The following CORO1C variants were observed in gnomAD, a reference collection of about 807,000 sequenced individuals.
The protein encoded by CORO1C is coronin-1C.
CORO1C carries 14 observed loss-of-function variants against 51.2 expected under a neutral mutation model. That is an observed-to-expected ratio of 0.27 (90% CI 0.18 to 0.43). The LOEUF is 0.43. Ranked by LOEUF, CORO1C falls within the 20% of genes least tolerant of loss-of-function variation. The probability of loss-of-function intolerance (pLI) is 1.00; values close to 1 mark genes in which losing one functional copy is unlikely to be tolerated. For synonymous variants in CORO1C, 181 were observed against 210.5 expected, an observed-to-expected ratio of 0.86 and a Z score of 1.21; for missense variants, 417 against 607.8, an observed-to-expected ratio of 0.69 and a Z score of 3.30.
chr12:108,675,641 T>A (rs374367983), intron 3 of CORO1C, among the ~76,000 whole-genome samples: 61 of 152,232 alleles, frequency 4.0e-4, no homozygotes, highest in African/African-American at 1.4e-3. Flanking sequence ...AGTAAGTAAG[T>A]GAGGACATTA....
At chr12:108,652,070 TTG>T in intron 8 of CORO1C, 200 bp downstream of exon 8, 2 of 301,842 alleles carry the variant, frequency 6.6e-6, no homozygotes, top group Non-Finnish European at 1.2e-5. Flanking sequence ...TTTTTTTTTT[TTG>T]AGATTTTTTT....
chr12:108,648,232 C>T (rs1371137598), intron 10 of CORO1C, among the ~76,000 whole-genome samples: 3 of 152,124 alleles, frequency 2.0e-5, no homozygotes, highest in Non-Finnish European at 4.4e-5. Flanking sequence ...TGACCCCACA[C>T]TCCCATGATA....
intron 1 of CORO1C, among the ~76,000 whole-genome samples, chr12:108,721,302 C>A (rs2136887177): frequency 6.6e-6 from 1 of 152,340 alleles, no homozygotes; most frequent in African/African-American, 2.4e-5. Context: ...CCATCTTACA[C>A]TACTCTTCCC....
At chr12:108,701,593 A>G in intron 1 of CORO1C, 2 of 458,028 alleles carry the variant, frequency 4.4e-6, no homozygotes, top group South Asian at 4.6e-5. Context: ...CAATGGAAAG[A>G]TTAAGGGAAA....
Position 108,646,930 on chromosome 12 carries a change from A to G in CORO1C, c.*473T>C, listed in dbSNP as rs1246079579. On this transcript the variant is annotated 3_prime_UTR_variant, in exon 11 of 11. Coordinates refer to ENST00000261401, the MANE Select transcript of CORO1C (RefSeq NM_014325.4). ...AAATTAAGGAAAAAAAACCACACAC[A>G]CAAATACTGCAAAGTAGCAAAATAC... 1.3e-5 allele frequency: 2 copies of G among 153,256 alleles called. No homozygotes were observed. The highest frequency in any genetic ancestry group is 2.9e-5 in the Non-Finnish European group (2 of 68,666). The allele number at this position is 153,256 out of a possible 1,614,324, so 9.5% of individuals were successfully genotyped here. A position where few individuals can be genotyped will look rare whatever the true frequency, so the allele number is the denominator to read the frequency against.
chr12:108,703,539 T>C (rs975019595), intron 1 of CORO1C, among the ~76,000 whole-genome samples: 1 of 152,214 alleles, frequency 6.6e-6, no homozygotes, highest in African/African-American at 2.4e-5. Flanking sequence ...GAGTGTCCTC[T>C]ACTCAGCTGA....
At chr12:108,698,693 C>T (rs183215142) in intron 2 of CORO1C, among the ~76,000 whole-genome samples, 11 of 152,320 alleles carry the variant, frequency 7.2e-5, no homozygotes, top group Non-Finnish European at 1.5e-4. Context: ...AGGCATGGGC[C>T]ACTGTGCCCG....
chr12:108,658,682 A>C lies in CORO1C; in HGVS notation c.630+56T>G. The C allele has an allele frequency of 6.4e-7, 1 of 1,567,258 alleles. No individual in the cohort carries two copies. Among genetic ancestry groups the C allele is most frequent in the South Asian group, 1.1e-5 (1 of 88,546 alleles). ...CCGCTGCCTGCCTTAAAAAGCAGAA[A>C]GCTCACACTCACTCAAGTGCTCCAA... is the stretch of plus-strand genomic sequence containing the variant. On this transcript the variant is annotated intron_variant, in intron 5 of 10. Transcript: ENST00000261401. The surrounding 1 kb of genome is among the most constrained non-coding windows in gnomAD (Gnocchi z 4.9).
intron 2 of CORO1C, among the ~76,000 whole-genome samples, chr12:108,686,100 ATGGT>A (rs2034285364): frequency 6.6e-6 from 1 of 152,260 alleles, no homozygotes; most frequent in Admixed American, 6.5e-5. Flanking sequence ...ACGGCCTTAT[ATGGT>A]AAAGATGAGG....
chr12:108,709,383 C>A (rs1174849075), intron 1 of CORO1C, among the ~76,000 whole-genome samples: 1 of 152,128 alleles, frequency 6.6e-6, no homozygotes, highest in East Asian at 1.9e-4. Context: ...AAAGAACCGG[C>A]ACCACTTATC....
intron 3 of CORO1C, among the ~76,000 whole-genome samples, chr12:108,670,993 C>A (rs2033693306): frequency 6.8e-6 from 1 of 146,070 alleles, no homozygotes; most frequent in South Asian, 2.2e-4. Context: ...AGGAAAAGAG[C>A]AAAATAATAA....
intron 1 of CORO1C, among the ~76,000 whole-genome samples, chr12:108,704,060 A>G (rs138683527): frequency 6.6e-6 from 1 of 152,366 alleles, no homozygotes; most frequent in East Asian, 1.9e-4. Flanking sequence ...TCTTCACTCA[A>G]ATAGGCCAGA....
At chr12:108,656,193 C>T (rs1372702249) in intron 6 of CORO1C, among the ~76,000 whole-genome samples, 9 of 144,398 alleles carry the variant, frequency 6.2e-5, no homozygotes, top group Admixed American at 2.1e-4. Context: ...GCAGCCGCCC[C>T]GTCTGAGAAG....
intron 2 of CORO1C, among the ~76,000 whole-genome samples, chr12:108,697,899 T>C (rs1264738628): frequency 1.3e-5 from 2 of 152,244 alleles, no homozygotes; most frequent in Admixed American, 1.3e-4. Context: ...TAACCATTAT[T>C]CAAATATTCA....
At chr12:108,720,148 T>G (rs373244113) in intron 1 of CORO1C, among the ~76,000 whole-genome samples, 61 of 152,264 alleles carry the variant, frequency 4.0e-4, no homozygotes, top group African/African-American at 1.4e-3. Context: ...ATCACACCAC[T>G]GCACTCCAGC....
chr12:108,655,398 CCTCTCCCTCTCTTTCCACG>C (rs2032905593), intron 6 of CORO1C, among the ~76,000 whole-genome samples: 2 of 150,032 alleles, frequency 1.3e-5, no homozygotes, highest in Non-Finnish European at 3.0e-5. Context: ...CCACGGTCTC[CCTCTCCCTCTCTTTCCACG>C]CTCTCCCTCT....
chr12:108,710,556 ATTTTTCTTTTTT>A (rs1477717590), intron 1 of CORO1C, among the ~76,000 whole-genome samples: 2 of 151,220 alleles, frequency 1.3e-5, no homozygotes, highest in Non-Finnish European at 1.5e-5. Flanking sequence ...AAAAGTTAAA[ATTTTTCTTTTTT>A]TTTTTCTTTT....
chr12:108,691,664 G>T (rs1327631717), intron 2 of CORO1C, among the ~76,000 whole-genome samples: 1 of 152,208 alleles, frequency 6.6e-6, no homozygotes, highest in Non-Finnish European at 1.5e-5. Flanking sequence ...GCAAAGGAAG[G>T]AAATTATCCT....
chr12:108,695,851 T>TAAA (rs924887183), intron 2 of CORO1C, among the ~76,000 whole-genome samples: 673 of 62,440 alleles, frequency 0.011, 12 homozygotes, highest in Non-Finnish European at 0.017. Context: ...TTGGGAGAAC[T>TAAA]AAAAAAAAAA....
Sources: allele counts gnomAD v4.1 joint callset (sites outside exome capture counted in the v4.1 genomes callset), GRCh38; gene constraint gnomAD v4.1.1; non-coding constraint Gnocchi (gnomAD v3.1); transcripts MANE v1.5; gene names NCBI Gene and HGNC (gene_info 2026-07-23, HGNC 2026-07-21).